The following ASXL3 variants were observed in gnomAD, a reference collection of about 807,000 sequenced individuals.
ASXL3 encodes the protein ASXL transcriptional regulator 3, also known as putative Polycomb group protein ASXL3.
In ASXL3, 34 loss-of-function variants were observed where a neutral mutation model predicts 170.6. The observed-to-expected ratio is 0.20, with a 90% CI of 0.15 to 0.27. The LOEUF (loss-of-function observed/expected upper bound fraction) is 0.27. ASXL3 is among the 10% of genes least tolerant of loss of function. The pLI, the probability that ASXL3 is intolerant of heterozygous loss-of-function variation, is 1.00. For synonymous variants in ASXL3, 1,002 were observed against 989.1 expected (o/e 1.01, Z -0.24); for missense variants, 2,592 against 2,695.3 (o/e 0.96, Z 0.85).
intron 2 of ASXL3, among the ~76,000 whole-genome samples, chr18:33,642,956 A>G (rs1403636533): frequency 1.3e-5 from 2 of 151,940 alleles, no homozygotes; most frequent in African/African-American, 2.4e-5. Flanking sequence ...GGCCTTAGGA[A>G]TAAAGAGAAG....
At chr18:33,722,399 C>T (rs2067277602) in intron 8 of ASXL3, among the ~76,000 whole-genome samples, 1 of 152,088 alleles carries the variant, frequency 6.6e-6, no homozygotes, top group Non-Finnish European at 1.5e-5. Flanking sequence ...GCACTGAACA[C>T]ACAAATGATG....
chr18:33,661,472 T>G, intron 4 of ASXL3, 144 bp from the exon 5 acceptor site: 1 of 704,338 alleles, frequency 1.4e-6, no homozygotes, highest in Middle Eastern at 3.4e-4. Flanking sequence ...TTTCTTCATA[T>G]GTAGATACTA....
rs1279075087 is a variant in ASXL3, at chr18:33,738,689, C to G, written c.1285C>G (p.Pro429Ala). ...TACTCTTTGCCCTATGGTAGAAATTCCACCTAAAGATATAATGGCAGAATT... is the reference window on the plus strand; with the variant it reads ...TACTCTTTGCCCTATGGTAGAAATTGCACCTAAAGATATAATGGCAGAATT... ...CATLCPMVEI[P>A]PKDIMAELES... The change falls in exon 11 of 12, where the codon CCA becomes GCA. Residue 429 changes from proline to alanine, a missense_variant. Pro to Ala is a conservative substitution (Grantham distance 27). Around this residue, in one of 4 missense-constraint regions of ASXL3, gnomAD observed 2,246 missense variants for 2,219.6 expected, o/e 1.01. Coordinates refer to ENST00000269197, the MANE Select transcript of ASXL3 (RefSeq NM_030632.3). 6.8e-6 allele frequency: 11 copies of G among 1,613,946 alleles called. No individual in the cohort carries two copies. Among genetic ancestry groups the G allele is most frequent in the Non-Finnish European group, 9.3e-6 (11 of 1,179,854 alleles).
chr18:33,745,143 A>C lies in ASXL3; in HGVS notation c.5295A>C (p.Pro1765=). 1 of 1,614,022 alleles carries C rather than the reference A, an allele frequency of 6.2e-7. No homozygotes were observed. Among genetic ancestry groups the C allele is most frequent in the Non-Finnish European group, 8.5e-7 (1 of 1,179,898 alleles). ...ACCTGCCTTTGGAAAAAGTGTTGCC[A>C]CAGCCCAGATTGGGAGCCAAGCTTG... ...QGNLPLEKVL[P]QPRLGAKLEI... The change falls in exon 12 of 12, where the codon CCA becomes CCC. Residue 1765 remains proline, a synonymous_variant. Transcript: ENST00000269197.
intron 2 of ASXL3, among the ~76,000 whole-genome samples, chr18:33,611,870 T>C (rs139474559): frequency 9.9e-5 from 15 of 152,140 alleles, no homozygotes; most frequent in Non-Finnish European, 2.2e-4. Context: ...AAGAGGACTA[T>C]GGGGTTTTTG....
At chr18:33,592,359 A>G (rs2065085421) in intron 1 of ASXL3, among the ~76,000 whole-genome samples, 3 of 152,202 alleles carry the variant, frequency 2.0e-5, no homozygotes, top group Non-Finnish European at 2.9e-5. Context: ...TTACCTCATA[A>G]GCATTAGGTT....
intron 7 of ASXL3, among the ~76,000 whole-genome samples, chr18:33,677,610 C>T (rs935740133): frequency 3.9e-5 from 6 of 152,286 alleles, no homozygotes; most frequent in African/African-American, 1.4e-4. Context: ...AATTACACTA[C>T]AGACCTTCCT....
chr18:33,590,411 A>G (rs967147780), intron 1 of ASXL3, among the ~76,000 whole-genome samples: 21 of 152,242 alleles, frequency 1.4e-4, no homozygotes, highest in African/African-American at 4.3e-4. Context: ...TTGCTACACA[A>G]GGATCATGTA....
intron 4 of ASXL3, among the ~76,000 whole-genome samples, chr18:33,652,655 C>T (rs1231761705): frequency 6.8e-6 from 1 of 146,134 alleles, no homozygotes; most frequent in African/African-American, 2.6e-5. Flanking sequence ...GATCCCAGGG[C>T]AAATAATGAT....
intron 1 of ASXL3, among the ~76,000 whole-genome samples, chr18:33,601,494 A>G (rs1370606659): frequency 1.3e-5 from 2 of 151,956 alleles, no homozygotes; most frequent in African/African-American, 4.8e-5. Context: ...ATCTGATTCC[A>G]GAGCTCACAA....
intron 8 of ASXL3, among the ~76,000 whole-genome samples, chr18:33,714,368 C>G (rs1568344437): frequency 6.6e-6 from 1 of 152,138 alleles, no homozygotes. Context: ...CATCCAGCAG[C>G]ACTTAGGTCC....
In ASXL3 at chr18:33,749,844, G is replaced by A. The variant is rs1599584824; in HGVS notation, c.*3249G>A. 6.6e-6 allele frequency: 1 copy of A among 152,176 alleles called. No individual in the cohort carries two copies. The highest frequency in any genetic ancestry group is 2.4e-5 in the African/African-American group (1 of 41,442). 9.4% of individuals were successfully genotyped at this position (152,176 alleles called of 1,614,324 possible). On this transcript the variant is annotated 3_prime_UTR_variant, in exon 12 of 12. Transcript: ENST00000269197. ...AAAGTTTAGTTGACTGCTGGACCTT[G>A]GATATTCTTACTCGGTTCAAAATAC...
chr18:33,738,368 A>G (rs966439329), intron 10 of ASXL3, 119 bp from the exon 11 acceptor site: 21 of 1,039,120 alleles, frequency 2.0e-5, no homozygotes, highest in Non-Finnish European at 2.7e-5. Context: ...AAGCATGTTA[A>G]TGATTATAAA....
intron 8 of ASXL3, among the ~76,000 whole-genome samples, chr18:33,718,271 G>A (rs1441357754): frequency 6.6e-6 from 1 of 152,072 alleles, no homozygotes; most frequent in East Asian, 1.9e-4. Context: ...GTATCCCATA[G>A]ACCCATATCC....
At chr18:33,733,889 G>A (rs369332767) in intron 9 of ASXL3, among the ~76,000 whole-genome samples, 5 of 152,056 alleles carry the variant, frequency 3.3e-5, no homozygotes, top group Non-Finnish European at 7.4e-5. Flanking sequence ...AGAATTAAGC[G>A]CTTTACTTTC....
rs200973185 is a variant in ASXL3, at chr18:33,661,608, G to C, written c.356-8G>C. ...ATTAGTAATATCATTATCTCTCTCT[G>C]TTTCTAGTTTGTTCGAAGCAGGTAA... On this transcript the variant is annotated splice_region_variant and splice_polypyrimidine_tract_variant and intron_variant, in intron 4 of 11. Coordinates refer to ENST00000269197, the MANE Select transcript of ASXL3 (RefSeq NM_030632.3). The C allele has an allele frequency of 3.0e-5, 48 of 1,605,100 alleles. No homozygotes were observed. The highest frequency in any genetic ancestry group is 3.7e-5 in the Non-Finnish European group (44 of 1,175,142).
rs1255042185 is a variant in ASXL3, at chr18:33,739,943, C to A, written c.2539C>A (p.Pro847Thr). Residue 847 changes from proline (P) to threonine (T), a missense_variant, in exon 11 of 12, where the codon CCC (proline) becomes ACC (threonine). Pro to Thr is a conservative substitution (Grantham distance 38). Transcript: ENST00000269197. Reference sequence around the variant, plus strand: ...TAAATCACATGTTGACACTGAGAAGCCCTACCCTGCTTCAATTCCAGAACT... The same window carrying A: ...TAAATCACATGTTGACACTGAGAAGACCTACCCTGCTTCAATTCCAGAACT... ...TCKSHVDTEK[P>T]YPASIPELAS... The A allele has an allele frequency of 2.5e-6, 4 of 1,613,890 alleles. No homozygotes were observed. Among genetic ancestry groups the A allele is most frequent in the Middle Eastern group, 1.6e-4 (1 of 6,062 alleles).
At chr18:33,680,816 G>T (rs1255680716) in intron 7 of ASXL3, among the ~76,000 whole-genome samples, 1 of 151,368 alleles carries the variant, frequency 6.6e-6, no homozygotes, top group Non-Finnish European at 1.5e-5. Context: ...TTAGTTTATT[G>T]TTCATTTTCT....
rs755687438 is a variant in ASXL3, at chr18:33,743,788, A to G, written c.3940A>G (p.Ile1314Val). The change falls in exon 12 of 12, where the codon ATA becomes GTA. Residue 1314 changes from isoleucine to valine, a missense_variant. Physicochemically the swap from Ile to Val is conservative, Grantham distance 29. Transcript: ENST00000269197. ...PISATTEGSSISSSMDDKQLL... is the reference protein window; with the variant it reads ...PISATTEGSSVSSSMDDKQLL... The stretch of plus-strand genomic sequence containing the variant: ...TTCAGCCACTACAGAGGGCTCCAGC[A>G]TATCAAGCTCCATGGATGATAAGCA... The G allele has an allele frequency of 6.8e-6, 11 of 1,613,996 alleles. No homozygotes were observed. The highest frequency in any genetic ancestry group is 1.7e-5 in the Admixed American group (1 of 60,028).
Sources: gnomAD v4.1 joint callset for allele counts (sites outside exome capture counted in the v4.1 genomes callset) on GRCh38, gnomAD v4.1.1 for gene constraint, gnomAD v4.1.1 regional missense constraint, MANE v1.5 for transcripts, NCBI Gene and HGNC (gene_info 2026-07-23, HGNC 2026-07-21) for gene names.